ALK: variants seen among roughly 807,000 people sequenced by gnomAD.
The protein encoded by ALK is ALK tyrosine kinase receptor.
In ALK, 74 loss-of-function variants were observed where a neutral mutation model predicts 163.1. The ratio of observed to expected loss-of-function variants is 0.45; its 90% CI spans 0.38 to 0.55. The LOEUF is 0.55. ALK is among the 20% of genes least tolerant of loss of function. ALK has a pLI of 0.00. For synonymous variants in ALK, 960 were observed against 843.2 expected, an observed-to-expected ratio of 1.14 and a Z score of -2.40; for missense variants, 2,063 against 2,105.3, an observed-to-expected ratio of 0.98 and a Z score of 0.39.
chr2:29,409,487 T>G (rs1038522020), intron 4 of ALK, among the ~76,000 whole-genome samples: 11 of 152,124 alleles, frequency 7.2e-5, no homozygotes, highest in African/African-American at 2.7e-4. Flanking sequence ...TGCCAAAAAT[T>G]ACACGGAGCC....
intron 4 of ALK, among the ~76,000 whole-genome samples, chr2:29,390,849 C>T (rs181020570): frequency 2.6e-5 from 4 of 152,304 alleles, no homozygotes; most frequent in South Asian, 2.1e-4. Context: ...TTACACATGG[C>T]GTGTGGCATG....
At chr2:29,202,649 C>T (rs1183145099) in intron 26 of ALK, among the ~76,000 whole-genome samples, 3 of 152,148 alleles carry the variant, frequency 2.0e-5, no homozygotes, top group Non-Finnish European at 4.4e-5. Flanking sequence ...TATCCTACTC[C>T]TTTTTGTAAT....
intron 3 of ALK, among the ~76,000 whole-genome samples, chr2:29,677,327 C>T (rs1158047784): frequency 7.1e-6 from 1 of 141,604 alleles, no homozygotes; most frequent in African/African-American, 2.6e-5. Context: ...TCAATCACTA[C>T]AAGTGATGAA....
intron 5 of ALK, among the ~76,000 whole-genome samples, chr2:29,340,897 C>T (rs1277614576): frequency 6.6e-6 from 1 of 152,128 alleles, no homozygotes; most frequent in African/African-American, 2.4e-5. Flanking sequence ...TCCTTGCTAC[C>T]TGTATAACTG....
At chr2:29,848,416 A>G (rs951062641) in intron 1 of ALK, among the ~76,000 whole-genome samples, 27 of 152,092 alleles carry the variant, frequency 1.8e-4, no homozygotes, top group African/African-American at 6.5e-4. Context: ...GAAGGAAATG[A>G]ACATGTGTAT....
chr2:29,711,598 G>A (rs1488551332), intron 2 of ALK, among the ~76,000 whole-genome samples: 2 of 151,986 alleles, frequency 1.3e-5, no homozygotes, highest in Non-Finnish European at 1.5e-5. Flanking sequence ...TGGTGGAGAC[G>A]TGCTAAGGGG....
chr2:29,555,601 A>C (rs1321825867), intron 3 of ALK, among the ~76,000 whole-genome samples: 2 of 152,096 alleles, frequency 1.3e-5, no homozygotes, highest in Non-Finnish European at 2.9e-5. Context: ...GGATTTAATG[A>C]ATATGATTTA....
intron 1 of ALK, among the ~76,000 whole-genome samples, chr2:29,757,676 G>A (rs1192287767): frequency 1.3e-5 from 2 of 151,930 alleles, no homozygotes; most frequent in Non-Finnish European, 2.9e-5. Context: ...TCTAAATGTG[G>A]TGGGAATCCA....
intron 5 of ALK, among the ~76,000 whole-genome samples, chr2:29,383,460 A>T (rs1410634740): frequency 1.3e-5 from 2 of 152,008 alleles, no homozygotes; most frequent in Non-Finnish European, 2.9e-5. Context: ...GGGATTACAG[A>T]CGCACATCAC....
intron 1 of ALK, among the ~76,000 whole-genome samples, chr2:29,774,109 G>T (rs1232914237): frequency 6.6e-6 from 1 of 152,144 alleles, no homozygotes; most frequent in Non-Finnish European, 1.5e-5. Context: ...GGTCCAGGTT[G>T]GCATTTATAT....
intron 3 of ALK, among the ~76,000 whole-genome samples, chr2:29,669,603 T>TTTGATAC (rs1677621054): frequency 6.6e-6 from 1 of 152,072 alleles, no homozygotes; most frequent in Admixed American, 6.6e-5. Context: ...CATTTAGTGT[T>TTTGATAC]ATTATTGATA....
At chr2:29,453,825 G>C (rs1429781238) in intron 4 of ALK, among the ~76,000 whole-genome samples, 1 of 152,122 alleles carries the variant, frequency 6.6e-6, no homozygotes, top group Non-Finnish European at 1.5e-5. Context: ...ATGTGAAACA[G>C]AACAGGCCTG....
chr2:29,918,990 T>G (rs2148442088), intron 1 of ALK, among the ~76,000 whole-genome samples: 1 of 152,298 alleles, frequency 6.6e-6, no homozygotes, highest in South Asian at 2.1e-4. Flanking sequence ...GAACATCGAT[T>G]CAAAACCACC....
At chr2:29,689,020 G>A (rs1214854790) in intron 3 of ALK, among the ~76,000 whole-genome samples, 1 of 152,134 alleles carries the variant, frequency 6.6e-6, no homozygotes, top group Non-Finnish European at 1.5e-5. Context: ...AGCTCTGAAG[G>A]TCGTCCGTCT....
At chr2:29,679,520 A>G (rs1433323169) in intron 3 of ALK, among the ~76,000 whole-genome samples, 2 of 151,656 alleles carry the variant, frequency 1.3e-5, no homozygotes, top group Non-Finnish European at 3.0e-5. Context: ...TCTAAAAATT[A>G]CAACATGCAT....
intron 23 of ALK, among the ~76,000 whole-genome samples, chr2:29,216,934 G>GGCATGTGT (rs1219959223): frequency 2.1e-4 from 2 of 9,436 alleles, no homozygotes; most frequent in African/African-American, 5.9e-4. Context: ...GTGTGTGGGG[G>GGCATGTGT]GTGTGTGTGT....
At chr2:29,556,604 T>G (rs556387492) in intron 3 of ALK, among the ~76,000 whole-genome samples, 220 of 152,312 alleles carry the variant, frequency 1.4e-3, no homozygotes, top group African/African-American at 5.1e-3. Context: ...ATTTCATGAA[T>G]TCACTCTCAT....
chr2:29,410,737 C>T (rs138643975), intron 4 of ALK, among the ~76,000 whole-genome samples: 1 of 152,148 alleles, frequency 6.6e-6, no homozygotes, highest in African/African-American at 2.4e-5. Flanking sequence ...AAATGGTACA[C>T]CTATGTAAGG....
Position 29,558,969 on chromosome 2 carries a change from A to G in ALK, c.953-26853T>C, listed in dbSNP as rs1301575524. 3.9e-5 allele frequency among the ~76,000 whole-genome samples: 6 copies of G among 152,190 alleles called. No homozygotes were observed. In the South Asian group the frequency reaches 1.2e-3, roughly 32 times the overall value. On this transcript the variant is annotated intron_variant, in intron 3 of 28. Coordinates refer to ENST00000389048, the MANE Select transcript of ALK (RefSeq NM_004304.5). ...TGAAAATTTAAGAGGGTAGACTATA[A>G]TTTTCTGTCCATATACACTCCTATA...
Sources: gnomAD v4.1 joint callset for allele counts (sites outside exome capture counted in the v4.1 genomes callset) on GRCh38, gnomAD v4.1.1 for gene constraint, MANE v1.5 for transcripts, NCBI Gene and HGNC (gene_info 2026-07-23, HGNC 2026-07-21) for gene names.